Variants in CMSS1 observed in about 807,000 individuals in gnomAD.
The protein encoded by CMSS1 is protein CMSS1.
In CMSS1, 33 loss-of-function variants were observed where a neutral mutation model predicts 43.5. The observed-to-expected ratio is 0.76, with a 90% CI of 0.57 to 1.01. CMSS1 has a LOEUF of 1.01. CMSS1 is among the 50% of genes least tolerant of loss of function. The pLI is 0.00. For missense variants in CMSS1, 313 were observed against 326.4 expected, an observed-to-expected ratio of 0.96 and a Z score of 0.32; for synonymous variants, 115 against 117.2, an observed-to-expected ratio of 0.98 and a Z score of 0.12.
rs138601123 is a variant in CMSS1, at chr3:99,972,579, C to T, written c.64+154536C>T. On this transcript the variant is annotated intron_variant, in intron 1 of 9. Coordinates refer to ENST00000421999, the MANE Select transcript of CMSS1 (RefSeq NM_032359.4). ...CACAGCTGCTCCCAGTCATTCTTTC[C>T]AGAGTAAATAACGGTTCATGTTTCC... 2.5e-3 allele frequency among the ~76,000 whole-genome samples: 375 copies of T among 152,270 alleles called. 6 individuals are homozygous for T. Among genetic ancestry groups the T allele is most frequent in the African/African-American group, 8.1e-3 (338 of 41,548 alleles).
At chr3:100,176,910 A>G (rs1259038992) in intron 9 of CMSS1, among the ~76,000 whole-genome samples, 1 of 152,220 alleles carries the variant, frequency 6.6e-6, no homozygotes, top group African/African-American at 2.4e-5. Flanking sequence ...TCAGTTGATC[A>G]GAATTGAATG....
At chr3:99,931,121 T>C (rs924330608) in intron 1 of CMSS1, 9 of 1,080,730 alleles carry the variant, frequency 8.3e-6, no homozygotes, top group African/African-American at 1.6e-5. Context: ...TACATTCTTG[T>C]TATATTTACC....
intron 1 of CMSS1, among the ~76,000 whole-genome samples, chr3:99,964,882 T>G (rs890194511): frequency 6.6e-6 from 1 of 152,168 alleles, no homozygotes; most frequent in Non-Finnish European, 1.5e-5. Context: ...ATTAGATCAC[T>G]TGAACATCAG....
At chr3:100,005,259 CTT>C (rs1400316908) in intron 1 of CMSS1, among the ~76,000 whole-genome samples, 1 of 152,180 alleles carries the variant, frequency 6.6e-6, no homozygotes, top group Non-Finnish European at 1.5e-5. Flanking sequence ...AGATTGCTCA[CTT>C]TGTGTTTTTG....
chr3:100,101,125 G>A (rs952945526), intron 1 of CMSS1, among the ~76,000 whole-genome samples: 1 of 152,172 alleles, frequency 6.6e-6, no homozygotes, highest in East Asian at 1.9e-4. Context: ...AGACTATGGT[G>A]AAAAGTAAAC....
At chr3:99,845,325 C>G (rs1246650847) in intron 1 of CMSS1, among the ~76,000 whole-genome samples, 1 of 152,096 alleles carries the variant, frequency 6.6e-6, no homozygotes, top group South Asian at 2.1e-4. Context: ...AGGATTCTAC[C>G]TTTTAAAGAG....
intron 1 of CMSS1, among the ~76,000 whole-genome samples, chr3:100,069,439 G>A (rs2065723625): frequency 6.6e-6 from 1 of 152,146 alleles, no homozygotes; most frequent in African/African-American, 2.4e-5. Flanking sequence ...AAGTGGTTAA[G>A]AGAAAGGAGA....
intron 1 of CMSS1, among the ~76,000 whole-genome samples, chr3:100,005,523 C>A (rs1709962866): frequency 6.6e-6 from 1 of 152,162 alleles, no homozygotes; most frequent in Non-Finnish European, 1.5e-5. Flanking sequence ...ATTTTAAGAA[C>A]CCTGGTTTAG....
intron 1 of CMSS1, among the ~76,000 whole-genome samples, chr3:99,967,772 T>C (rs1029090039): frequency 1.3e-5 from 2 of 152,208 alleles, no homozygotes; most frequent in Admixed American, 1.3e-4. Context: ...GTTTTATCTG[T>C]TTATTTCACC....
At chr3:99,931,377 C>T (rs1178232614) in intron 1 of CMSS1, among the ~76,000 whole-genome samples, 5 of 151,898 alleles carry the variant, frequency 3.3e-5, no homozygotes, top group Admixed American at 6.5e-5. Flanking sequence ...TTAAGACGTA[C>T]TTAACATAAT....
chr3:99,972,783 G>C (rs1419325717), intron 1 of CMSS1, among the ~76,000 whole-genome samples: 2 of 152,200 alleles, frequency 1.3e-5, no homozygotes, highest in Non-Finnish European at 2.9e-5. Context: ...TGTTAATGAT[G>C]TTAACTTCCA....
chr3:99,992,688 T>G (rs947810007), intron 1 of CMSS1, among the ~76,000 whole-genome samples: 7 of 151,188 alleles, frequency 4.6e-5, no homozygotes, highest in Admixed American at 4.0e-4. Context: ...ATTTGTCTAG[T>G]TTTTTTTTGG....
At chr3:99,927,229 T>C (rs1434584943) in intron 1 of CMSS1, among the ~76,000 whole-genome samples, 1 of 152,224 alleles carries the variant, frequency 6.6e-6, no homozygotes. Context: ...ACTAACTAAA[T>C]GAATAAAATT....
At chr3:100,009,730 G>A (rs1043885034) in intron 1 of CMSS1, among the ~76,000 whole-genome samples, 17 of 152,200 alleles carry the variant, frequency 1.1e-4, no homozygotes, top group Non-Finnish European at 4.4e-5. Context: ...AGTCATAGGA[G>A]GCAAAGATAT....
chr3:100,077,042 G>C (rs551338553), intron 1 of CMSS1, among the ~76,000 whole-genome samples: 4 of 152,328 alleles, frequency 2.6e-5, no homozygotes, highest in African/African-American at 9.6e-5. Context: ...GCTGGCCAGG[G>C]TACGCTTACA....
chr3:99,897,913 A>C (rs1706310850), intron 1 of CMSS1, among the ~76,000 whole-genome samples: 1 of 152,254 alleles, frequency 6.6e-6, no homozygotes, highest in African/African-American at 2.4e-5. Flanking sequence ...AGTTAAATGA[A>C]GTTTTCCATG....
intron 9 of CMSS1, 141 bp from the exon 10 acceptor site, chr3:100,178,164 A>G: frequency 1.9e-6 from 1 of 513,252 alleles, no homozygotes; most frequent in Non-Finnish European, 3.5e-6. Context: ...TCTGAATCAA[A>G]TGTGTGTTAG....
intron 1 of CMSS1, chr3:99,876,097 CG>C: frequency 2.0e-6 from 2 of 986,342 alleles, no homozygotes; most frequent in Non-Finnish European, 2.4e-6. Context: ...CGGGGCCGGG[CG>C]GGGGCCGGGC....
At chr3:100,131,860 G>A (rs921417765) in intron 1 of CMSS1, among the ~76,000 whole-genome samples, 1 of 152,046 alleles carries the variant, frequency 6.6e-6, no homozygotes, top group South Asian at 2.1e-4. Flanking sequence ...CAAGACATTG[G>A]GACAATTGAT....
Sources: gnomAD v4.1 joint callset for allele counts (sites outside exome capture counted in the v4.1 genomes callset) on GRCh38, gnomAD v4.1.1 for gene constraint, MANE v1.5 for transcripts, NCBI Gene and HGNC (gene_info 2026-07-23, HGNC 2026-07-21) for gene names.